STX8: variants seen among roughly 807,000 people sequenced by gnomAD.
STX8 encodes the protein syntaxin-8.
STX8 carries 23 observed loss-of-function variants against 37.5 expected under a neutral mutation model. That is an observed-to-expected ratio of 0.61 (90% CI 0.44 to 0.87). The LOEUF is 0.87. STX8 is among the 40% of genes least tolerant of loss of function. The pLI, the probability that STX8 is intolerant of heterozygous loss-of-function variation, is 0.00. For missense variants in STX8, 313 were observed against 284.7 expected, an observed-to-expected ratio of 1.10 and a Z score of -0.71; for synonymous variants, 115 against 99.1, an observed-to-expected ratio of 1.16 and a Z score of -0.95.
chr17:9,420,845 G>C (rs1434388789), intron 6 of STX8, among the ~76,000 whole-genome samples: 1 of 152,184 alleles, frequency 6.6e-6, no homozygotes, highest in Non-Finnish European at 1.5e-5. Flanking sequence ...AACCAGAAGA[G>C]AGTCTCTCAA....
intron 7 of STX8, among the ~76,000 whole-genome samples, chr17:9,258,875 C>G (rs147658794): frequency 6.6e-6 from 1 of 152,198 alleles, no homozygotes; most frequent in African/African-American, 2.4e-5. Context: ...AGGGCCGAAG[C>G]CTTGAAGGCT....
rs114014800 is a variant in STX8 at position 9,409,690 on chromosome 17, T to C, written c.542-31037A>G. 7.9e-3 allele frequency among the ~76,000 whole-genome samples: 1,198 copies of C among 152,240 alleles called. 15 individuals are homozygous for C. Among genetic ancestry groups the C allele is most frequent in the African/African-American group, 0.027 (1,127 of 41,520 alleles). On this transcript the variant is annotated intron_variant, in intron 6 of 7. Coordinates refer to ENST00000306357, the MANE Select transcript of STX8 (RefSeq NM_004853.3). ...CAGATGTGTTCAGAACTCCTAGTAA[T>C]GTAATGCAGGCAAAAACCATATTTA...
chr17:9,254,922 G>T (rs906549928), intron 7 of STX8, among the ~76,000 whole-genome samples: 5 of 152,192 alleles, frequency 3.3e-5, no homozygotes, highest in Non-Finnish European at 7.4e-5. Context: ...GAAGAGTCAA[G>T]AGAGGCATAG....
At chr17:9,268,371 C>T (rs1053582830) in intron 7 of STX8, among the ~76,000 whole-genome samples, 3 of 151,912 alleles carry the variant, frequency 2.0e-5, no homozygotes, top group Non-Finnish European at 2.9e-5. Flanking sequence ...AAAGTGGCAG[C>T]GGGGCTTAGA....
intron 4 of STX8, among the ~76,000 whole-genome samples, chr17:9,511,985 T>G (rs1905030885): frequency 6.6e-6 from 1 of 151,626 alleles, no homozygotes; most frequent in Non-Finnish European, 1.5e-5. Context: ...ACAATCTCAT[T>G]TACAATAGCA....
chr17:9,422,728 G>A (rs1441125432), intron 6 of STX8, among the ~76,000 whole-genome samples: 1 of 152,220 alleles, frequency 6.6e-6, no homozygotes, highest in Non-Finnish European at 1.5e-5. Context: ...ATGGTGAATA[G>A]CTGCAACACA....
At chr17:9,546,234 C>T (rs1906501201) in intron 3 of STX8, among the ~76,000 whole-genome samples, 1 of 152,174 alleles carries the variant, frequency 6.6e-6, no homozygotes, top group South Asian at 2.1e-4. Context: ...CTAGCAAACA[C>T]GCTAGACTAG....
At chr17:9,343,388 A>T (rs1009356812) in intron 7 of STX8, among the ~76,000 whole-genome samples, 16 of 151,330 alleles carry the variant, frequency 1.1e-4, no homozygotes, top group Non-Finnish European at 2.9e-5. Context: ...GCCATGATGA[A>T]GCTACGTCTA....
chr17:9,300,272 G>A (rs1162683954), intron 7 of STX8, among the ~76,000 whole-genome samples: 14 of 145,708 alleles, frequency 9.6e-5, no homozygotes, highest in East Asian at 4.2e-4. Flanking sequence ...AGGAGGTTGC[G>A]GTGAGCCACG....
chr17:9,527,467 C>T (rs1265289839), intron 4 of STX8, among the ~76,000 whole-genome samples: 1 of 152,086 alleles, frequency 6.6e-6, no homozygotes. Flanking sequence ...TTAAAATTAA[C>T]ATAATGAACT....
intron 7 of STX8, among the ~76,000 whole-genome samples, chr17:9,370,981 G>A (rs1330448105): frequency 1.3e-5 from 2 of 151,972 alleles, no homozygotes; most frequent in African/African-American, 2.4e-5. Flanking sequence ...GGGGTTGAGG[G>A]AGGAAAAGGG....
chr17:9,531,421 GCA>G (rs1179202167), intron 4 of STX8, among the ~76,000 whole-genome samples: 1 of 152,054 alleles, frequency 6.6e-6, no homozygotes, highest in Non-Finnish European at 1.5e-5. Flanking sequence ...TCTGAACAAG[GCA>G]CAGAGACTGA....
At chr17:9,412,681 C>G (rs1310082541) in intron 6 of STX8, among the ~76,000 whole-genome samples, 1 of 152,184 alleles carries the variant, frequency 6.6e-6, no homozygotes, top group Non-Finnish European at 1.5e-5. Context: ...GGCTCTCCAT[C>G]CTATGCCATA....
chr17:9,506,516 A>G (rs1410443976), intron 4 of STX8, among the ~76,000 whole-genome samples: 2 of 148,938 alleles, frequency 1.3e-5, no homozygotes, highest in Non-Finnish European at 3.0e-5. Flanking sequence ...GGAAGTGGAG[A>G]GGCCCCTGTG....
At chr17:9,458,831 T>C (rs992277048) in intron 6 of STX8, among the ~76,000 whole-genome samples, 1 of 964 alleles carries the variant, frequency 1.0e-3, no homozygotes, top group African/African-American at 1.2e-3. Flanking sequence ...TTATTTAATT[T>C]TTTTTTTTTT....
chr17:9,411,883 A>G (rs1912992422), intron 6 of STX8, among the ~76,000 whole-genome samples: 1 of 152,238 alleles, frequency 6.6e-6, no homozygotes, highest in Non-Finnish European at 1.5e-5. Flanking sequence ...AGATACAATT[A>G]TAAAAATATT....
At chr17:9,503,701 A>G (rs184257133) in intron 5 of STX8, among the ~76,000 whole-genome samples, 179 of 152,338 alleles carry the variant, frequency 1.2e-3, no homozygotes, top group African/African-American at 4.0e-3. Context: ...GCAGAATTAG[A>G]AAGAATAATG....
chr17:9,504,235 G>T (rs1444224334), intron 5 of STX8, among the ~76,000 whole-genome samples: 1 of 151,902 alleles, frequency 6.6e-6, no homozygotes, highest in Non-Finnish European at 1.5e-5. Context: ...TTTGAGATTG[G>T]AGAAACAATA....
chr17:9,316,935 T>C (rs1909401733), intron 7 of STX8, among the ~76,000 whole-genome samples: 1 of 152,178 alleles, frequency 6.6e-6, no homozygotes, highest in Non-Finnish European at 1.5e-5. Context: ...GGAAAATCAT[T>C]CACACCTGGT....
Sources: gnomAD v4.1 joint callset for allele counts (sites outside exome capture counted in the v4.1 genomes callset) on GRCh38, gnomAD v4.1.1 for gene constraint, MANE v1.5 for transcripts, NCBI Gene and HGNC (gene_info 2026-07-23, HGNC 2026-07-21) for gene names.